Variants in CACNA1E observed in about 807,000 individuals in gnomAD.
CACNA1E encodes the protein voltage-dependent R-type calcium channel subunit alpha-1E.
CACNA1E carries 40 observed loss-of-function variants against 259.2 expected under a neutral mutation model. The observed-to-expected ratio is 0.15, with a 90% CI of 0.12 to 0.20. The LOEUF (loss-of-function observed/expected upper bound fraction) is 0.20. Ranked by LOEUF, CACNA1E falls within the 10% of genes least tolerant of loss-of-function variation. CACNA1E has a pLI of 1.00. For synonymous variants in CACNA1E, 1,104 were observed against 1,138.5 expected (o/e 0.97, Z 0.61); for missense variants, 1,874 against 3,040.1 (o/e 0.62, Z 9.02).
intron 44 of CACNA1E, among the ~76,000 whole-genome samples, chr1:181,793,174 A>G (rs560516040): frequency 6.6e-6 from 1 of 152,348 alleles, no homozygotes; most frequent in Non-Finnish European, 1.5e-5. Flanking sequence ...GGATGGTTTC[A>G]ATCAGAAGAA....
At chr1:181,406,540 C>T (rs1417840908) in intron 1 of CACNA1E, among the ~76,000 whole-genome samples, 1 of 152,052 alleles carries the variant, frequency 6.6e-6, no homozygotes, top group African/African-American at 2.4e-5. Context: ...GGATTACAGG[C>T]ACCTGCCAGC....
At chr1:181,497,124 C>G (rs1664825138) in intron 1 of CACNA1E, among the ~76,000 whole-genome samples, 3 of 152,120 alleles carry the variant, frequency 2.0e-5, no homozygotes, top group Admixed American at 2.0e-4. Context: ...ACCACCTCCC[C>G]CCACCTGAAG....
At chr1:181,428,138 C>G (rs1020985401) in intron 2 of CACNA1E, among the ~76,000 whole-genome samples, 1 of 152,180 alleles carries the variant, frequency 6.6e-6, no homozygotes, top group Admixed American at 6.5e-5. Flanking sequence ...GTCTTTCCCA[C>G]GCTATGCCCT....
intron 2 of CACNA1E, among the ~76,000 whole-genome samples, chr1:181,458,824 C>CCCATCCAT (rs57607890): frequency 1.1e-3 from 172 of 150,488 alleles, no homozygotes; most frequent in Admixed American, 5.3e-3. Flanking sequence ...CATTTATTTA[C>CCCATCCAT]CCATCCATCC....
rs374722982 is a variant in CACNA1E, at chr1:181,354,144, C to CTT, written c.-15+36038_-15+36039dup. Among the ~76,000 whole-genome samples, 295 of 135,704 alleles carry CTT rather than the reference C, an allele frequency of 2.2e-3. 2 individuals carry two copies. The highest frequency in any genetic ancestry group is 4.8e-3 in the African/African-American group (180 of 37,424). 89.0% of individuals were successfully genotyped at this position (135,704 alleles called of 152,430 possible). ...CTGGCAGCTGAATAAGGGCAGAGGACTTTTTTTTTTTTTTTTTTAAACAGT... is the reference window on the plus strand; with the variant it reads ...CTGGCAGCTGAATAAGGGCAGAGGACTTTTTTTTTTTTTTTTTTTTAAACAGT... On this transcript the variant is annotated intron_variant, in intron 1 of 11. Coordinates refer to the CACNA1E transcript ENST00000524607.
At chr1:181,463,199 A>C (rs1661936245) in intron 2 of CACNA1E, among the ~76,000 whole-genome samples, 1 of 152,202 alleles carries the variant, frequency 6.6e-6, no homozygotes, top group African/African-American at 2.4e-5. Flanking sequence ...TAAATTAGAC[A>C]CAGGAAGAGA....
chr1:181,485,278 C>G lies in CACNA1E; in HGVS notation c.266+1268C>G, dbSNP rs1663702936. On this transcript the variant is annotated intron_variant, in intron 1 of 47. Coordinates refer to ENST00000367573, the MANE Select transcript of CACNA1E (RefSeq NM_001205293.3). The surrounding 1 kb of genome is among the most constrained non-coding windows in gnomAD (Gnocchi z 4.2). ...GCTGCCTTGGGTCTCTAGTATTAGCCAGACACGCGGCTCATTTCCCCCAGG... is the reference window on the plus strand; with the variant it reads ...GCTGCCTTGGGTCTCTAGTATTAGCGAGACACGCGGCTCATTTCCCCCAGG... Among the ~76,000 whole-genome samples the G allele has an allele frequency of 1.3e-5, 2 of 152,144 alleles. No individual in the cohort carries two copies. The highest frequency in any genetic ancestry group is 4.1e-4 in the South Asian group (2 of 4,830).
chr1:181,520,479 G>A (rs1032079840), intron 3 of CACNA1E, among the ~76,000 whole-genome samples: 5 of 151,748 alleles, frequency 3.3e-5, no homozygotes. Flanking sequence ...AAAATTGAAA[G>A]TACTCAAAAT....
At chr1:181,318,840 G>A (rs1290335909) in intron 1 of CACNA1E, among the ~76,000 whole-genome samples, 2 of 152,232 alleles carry the variant, frequency 1.3e-5, no homozygotes, top group African/African-American at 2.4e-5. Flanking sequence ...TCGAAGTAGG[G>A]GAGGAAAGAG....
chr1:181,412,893 G>A (rs1438713419), intron 1 of CACNA1E, among the ~76,000 whole-genome samples: 4 of 152,194 alleles, frequency 2.6e-5, no homozygotes, highest in Non-Finnish European at 5.9e-5. Context: ...CTGGACACCT[G>A]GGGGCCCAGC....
At chr1:181,641,710 T>TTG (rs1657776966) in intron 6 of CACNA1E, among the ~76,000 whole-genome samples, 1 of 61,444 alleles carries the variant, frequency 1.6e-5, no homozygotes, top group Non-Finnish European at 4.3e-5. Flanking sequence ...TTTGTTTTTT[T>TTG]TTTTTTTTTT....
intron 2 of CACNA1E, among the ~76,000 whole-genome samples, chr1:181,464,147 G>A (rs1215093772): frequency 6.6e-5 from 10 of 151,914 alleles, no homozygotes; most frequent in Admixed American, 6.6e-4. Context: ...CACTAATTTA[G>A]TTTTTATAAC....
At chr1:181,541,703 C>T (rs578206672) in intron 3 of CACNA1E, among the ~76,000 whole-genome samples, 1 of 152,174 alleles carries the variant, frequency 6.6e-6, no homozygotes, top group Non-Finnish European at 1.5e-5. Context: ...TGCAAAGACT[C>T]GTCTTTTTGA....
chr1:181,762,120 A>G (rs182465935), intron 32 of CACNA1E, among the ~76,000 whole-genome samples: 46 of 152,322 alleles, frequency 3.0e-4, no homozygotes, highest in Admixed American at 2.7e-3. Context: ...GACGCAATAG[A>G]GATAATTTAA....
At chr1:181,699,901 A>G (rs770205520) in intron 7 of CACNA1E, among the ~76,000 whole-genome samples, 1 of 152,150 alleles carries the variant, frequency 6.6e-6, no homozygotes, top group Non-Finnish European at 1.5e-5. Context: ...TCACTTGGCC[A>G]TGTTACATCC....
chr1:181,789,611 C>A (rs1661122882), intron 43 of CACNA1E, among the ~76,000 whole-genome samples: 2 of 152,178 alleles, frequency 1.3e-5, no homozygotes, highest in South Asian at 4.1e-4. Context: ...TATTACCATA[C>A]TGGTGGCAGT....
chr1:181,536,823 T>C (rs1668204569), intron 3 of CACNA1E, among the ~76,000 whole-genome samples: 1 of 152,094 alleles, frequency 6.6e-6, no homozygotes, highest in Non-Finnish European at 1.5e-5. Flanking sequence ...CCCATCTTTC[T>C]CACCCAACTT....
intron 1 of CACNA1E, among the ~76,000 whole-genome samples, chr1:181,496,103 C>T (rs1401077661): frequency 6.6e-6 from 1 of 152,150 alleles, no homozygotes; most frequent in Non-Finnish European, 1.5e-5. Flanking sequence ...TTTCTTCCTT[C>T]TCAAAGTTAT....
intron 1 of CACNA1E, among the ~76,000 whole-genome samples, chr1:181,319,102 T>A (rs1394501887): frequency 6.6e-6 from 1 of 152,152 alleles, no homozygotes; most frequent in Non-Finnish European, 1.5e-5. Flanking sequence ...GTCTGGCTGC[T>A]CAGAGCAGAT....
Sources: gnomAD v4.1 joint callset for allele counts (sites outside exome capture counted in the v4.1 genomes callset) on GRCh38, gnomAD v4.1.1 for gene constraint, Gnocchi (gnomAD v3.1) non-coding constraint, MANE v1.5 for transcripts, NCBI Gene and HGNC (gene_info 2026-07-23, HGNC 2026-07-21) for gene names.